The following CSMD1 variants were observed in gnomAD, a reference collection of about 807,000 sequenced individuals.
CSMD1 encodes the protein CUB and sushi domain-containing protein 1.
Under a neutral mutation model 417.5 loss-of-function variants are expected in CSMD1, and 213 were observed. The observed-to-expected ratio is 0.51, with a 90% CI of 0.46 to 0.57. The LOEUF (loss-of-function observed/expected upper bound fraction) is 0.57, where lower values mean the gene tolerates loss of function less well. Ranked by LOEUF, CSMD1 falls within the 20% of genes least tolerant of loss-of-function variation. CSMD1 has a pLI of 0.00. For missense variants in CSMD1, 6,923 were observed against 4,529.7 expected (o/e 1.53, Z -15.17); for synonymous variants, 2,862 against 1,736.8 (o/e 1.65, Z -16.11).
At chr8:3,655,760 C>T (rs543576291) in intron 7 of CSMD1, among the ~76,000 whole-genome samples, 12 of 151,466 alleles carry the variant, frequency 7.9e-5, no homozygotes, top group East Asian at 7.8e-4. Context: ...AAATTAGCTA[C>T]GGCTGTAGGA....
intron 21 of CSMD1, among the ~76,000 whole-genome samples, chr8:3,353,824 T>A (rs1387733130): frequency 6.6e-6 from 1 of 152,256 alleles, no homozygotes; most frequent in Non-Finnish European, 1.5e-5. Flanking sequence ...ATGTTAACTA[T>A]AATTGAATTG....
chr8:3,770,424 G>C (rs372536867), intron 5 of CSMD1, among the ~76,000 whole-genome samples: 2 of 152,258 alleles, frequency 1.3e-5, no homozygotes, highest in East Asian at 3.9e-4. Flanking sequence ...AGCTACTCGA[G>C]AGGCTGAGGC....
chr8:3,560,038 G>A (rs1414539133), intron 10 of CSMD1, among the ~76,000 whole-genome samples: 1 of 152,096 alleles, frequency 6.6e-6, no homozygotes, highest in African/African-American at 2.4e-5. Context: ...GAGGGAATTT[G>A]GTGAATGAGA....
chr8:3,349,840 T>C (rs1258593736), intron 21 of CSMD1, among the ~76,000 whole-genome samples: 1 of 142,300 alleles, frequency 7.0e-6, no homozygotes, highest in Non-Finnish European at 1.5e-5. Flanking sequence ...ATAATATATC[T>C]AGATATAAAT....
intron 4 of CSMD1, among the ~76,000 whole-genome samples, chr8:4,019,687 C>G (rs760608646): frequency 6.6e-6 from 1 of 152,134 alleles, no homozygotes; most frequent in Non-Finnish European, 1.5e-5. Flanking sequence ...GATAATGCTG[C>G]TCCTGCTTTG....
chr8:3,685,935 A>G (rs544819901), intron 7 of CSMD1, among the ~76,000 whole-genome samples: 40 of 152,210 alleles, frequency 2.6e-4, no homozygotes, highest in African/African-American at 9.1e-4. Flanking sequence ...GTTATTTTTA[A>G]AAGTACAATT....
intron 11 of CSMD1, among the ~76,000 whole-genome samples, chr8:3,469,811 T>C (rs959872132): frequency 2.0e-5 from 3 of 152,208 alleles, no homozygotes; most frequent in South Asian, 2.1e-4. Context: ...AAGTAACTCA[T>C]GCAATGTTAC....
At chr8:4,978,899 C>T (rs1365036521) in intron 1 of CSMD1, among the ~76,000 whole-genome samples, 1 of 152,176 alleles carries the variant, frequency 6.6e-6, no homozygotes, top group Non-Finnish European at 1.5e-5. Context: ...GATTGTGCCA[C>T]TGCACTCCAG....
intron 3 of CSMD1, among the ~76,000 whole-genome samples, chr8:4,397,523 C>CTTTTTTTTTTTT (rs57745028): frequency 3.3e-5 from 2 of 59,934 alleles, no homozygotes; most frequent in African/African-American, 1.2e-4. Flanking sequence ...GCCTGAGACT[C>CTTTTTTTTTTTT]TTTTTTTTTT....
intron 26 of CSMD1, among the ~76,000 whole-genome samples, chr8:3,283,854 C>G (rs993115042): frequency 3.9e-5 from 6 of 152,242 alleles, no homozygotes; most frequent in African/African-American, 1.4e-4. Context: ...AATTTTCTCT[C>G]TTTCTTTGGG....
intron 7 of CSMD1, among the ~76,000 whole-genome samples, chr8:3,639,665 G>T (rs1357276689): frequency 6.6e-6 from 1 of 152,084 alleles, no homozygotes; most frequent in African/African-American, 2.4e-5. Flanking sequence ...AAACATAAGT[G>T]GAATGATGTA....
chr8:4,209,159 A>G (rs1240964997), intron 3 of CSMD1, among the ~76,000 whole-genome samples: 2 of 152,210 alleles, frequency 1.3e-5, no homozygotes, highest in African/African-American at 4.8e-5. Context: ...AATCTGCCCT[A>G]GAGCCCAAGG....
At chr8:4,128,182 C>T (rs188050534) in intron 3 of CSMD1, among the ~76,000 whole-genome samples, 51 of 152,112 alleles carry the variant, frequency 3.4e-4, no homozygotes, top group East Asian at 2.5e-3. Context: ...GGGACCCCTG[C>T]GGAAAAAGTG....
chr8:3,314,599 T>C lies in CSMD1; in HGVS notation c.3632-6096A>G, dbSNP rs1459295172. Among the ~76,000 whole-genome samples the C allele has an allele frequency of 3.9e-5, 6 of 152,340 alleles. No individual in the cohort carries two copies. In the South Asian group the frequency reaches 1.0e-3, roughly 26 times the overall value. On this transcript the variant is annotated intron_variant, in intron 23 of 69. Coordinates refer to ENST00000635120, the MANE Select transcript of CSMD1 (RefSeq NM_033225.6). ...GTAATTCTATTTCTTTGTTTTCTAG[T>C]GATTTCATTTTAAGTCAAAGCACAG... is the stretch of plus-strand genomic sequence containing the variant.
At chr8:4,038,557 A>G (rs577158825) in intron 3 of CSMD1, among the ~76,000 whole-genome samples, 8 of 152,312 alleles carry the variant, frequency 5.3e-5, no homozygotes, top group African/African-American at 1.9e-4. Flanking sequence ...TTGCCTGAAG[A>G]TTATGCATGT....
At chr8:3,543,503 T>C (rs1219868091) in intron 10 of CSMD1, among the ~76,000 whole-genome samples, 2 of 152,054 alleles carry the variant, frequency 1.3e-5, no homozygotes, top group Admixed American at 1.3e-4. Flanking sequence ...GGCAATTAAC[T>C]GTGGAAATGG....
intron 10 of CSMD1, among the ~76,000 whole-genome samples, chr8:3,527,026 G>C (rs752009214): frequency 2.0e-5 from 3 of 152,088 alleles, no homozygotes; most frequent in Non-Finnish European, 4.4e-5. Context: ...CTCAGAATGT[G>C]GCTGGGCTGC....
Position 3,052,532 on chromosome 8 carries a change from GC to G in CSMD1, c.7589del (p.Ser2530ThrfsTer48). 1 of 1,605,968 alleles carries G rather than the reference GC, an allele frequency of 6.2e-7. No homozygotes were observed. Among genetic ancestry groups the G allele is most frequent in the Non-Finnish European group, 8.5e-7 (1 of 1,176,070 alleles). On this transcript the variant is annotated frameshift_variant, in exon 50 of 70. Coordinates refer to ENST00000635120, the MANE Select transcript of CSMD1 (RefSeq NM_033225.6). LOFTEE classifies it high-confidence loss of function. ...ECHEGFKLES[S>X]QQATAVCQED... Reference sequence around the variant, plus strand: ...CTTGACACACGGCTGTTGCTTGCTGGCTGGATTCAAGCTTGAAGCCCTCATG... The same window carrying G: ...CTTGACACACGGCTGTTGCTTGCTGGTGGATTCAAGCTTGAAGCCCTCATG...
intron 5 of CSMD1, among the ~76,000 whole-genome samples, chr8:3,780,976 G>A (rs755453598): frequency 6.6e-6 from 1 of 152,170 alleles, no homozygotes; most frequent in Non-Finnish European, 1.5e-5. Context: ...TTCATGATCT[G>A]AAAATATCTG....
Sources: gnomAD v4.1 joint callset for allele counts (sites outside exome capture counted in the v4.1 genomes callset) on GRCh38, gnomAD v4.1.1 for gene constraint, MANE v1.5 for transcripts, NCBI Gene and HGNC (gene_info 2026-07-23, HGNC 2026-07-21) for gene names.